Variants in ZNF782 observed in about 807,000 individuals in gnomAD.
The protein encoded by ZNF782 is zinc finger protein 782.
Under a neutral mutation model 13.0 loss-of-function variants are expected in ZNF782, and 12 were observed. The observed-to-expected ratio is 0.92, with a 90% CI of 0.59 to 1.50. The LOEUF is 1.50. Among genes scored for constraint, ZNF782 ranks in the 40% most tolerant of loss-of-function variants. ZNF782 has a pLI of 0.00. For missense variants in ZNF782, 770 were observed against 822.9 expected, an observed-to-expected ratio of 0.94 and a Z score of 0.79; for synonymous variants, 284 against 283.0, an observed-to-expected ratio of 1.00 and a Z score of -0.04.
At chr9:96,905,375 A>T in the ZNF782 span, among the ~76,000 whole-genome samples, 1 of 151,654 alleles carries the variant, frequency 6.6e-6, no homozygotes, top group African/African-American at 2.4e-5. Flanking sequence ...TACAAATGCC[A>T]TGGCAATGTC....
chr9:96,823,686 A>G (rs79490656), intron 5 of ZNF782, among the ~76,000 whole-genome samples: 1 of 152,212 alleles, frequency 6.6e-6, no homozygotes. Context: ...TGCCTTAGCA[A>G]TTCATAACCG....
At chr9:96,908,108 T>C in the ZNF782 span, among the ~76,000 whole-genome samples, 8 of 151,996 alleles carry the variant, frequency 5.3e-5, no homozygotes, top group Admixed American at 5.2e-4. Context: ...GGACATGTTA[T>C]ATTTCTCTGT....
At position 96,818,257 on chromosome 9, in the gene ZNF782, G is replaced by T. The variant is rs752354861; in HGVS notation, c.1766C>A (p.Pro589His). The change falls in exon 6 of 6, where the codon CCC becomes CAC. Residue 589 changes from proline to histidine, a missense_variant. Coordinates refer to ENST00000481138, the MANE Select transcript of ZNF782 (RefSeq NM_001001662.3). ...TTTTCCACACTCCTCACATTGATAG[G>T]GTTTCTCCCCAGTATGAGTTCTGTG... Reference protein sequence around the residue: ...VHHRTHTGEKPYQCEECGKTF... With the variant: ...VHHRTHTGEKHYQCEECGKTF... 1.9e-6 allele frequency: 3 copies of T among 1,613,614 alleles called. No individual in the cohort carries two copies. The highest frequency in any genetic ancestry group is 2.5e-6 in the Non-Finnish European group (3 of 1,179,958).
intron 4 of ZNF782, among the ~76,000 whole-genome samples, chr9:96,836,599 A>G (rs888077228): frequency 6.6e-6 from 1 of 152,154 alleles, no homozygotes; most frequent in African/African-American, 2.4e-5. Flanking sequence ...GGGATGGAAT[A>G]TTATATTTTG....
chr9:96,887,940 T>A, the ZNF782 span: 1 of 144,994 alleles, frequency 6.9e-6, no homozygotes, highest in African/African-American at 2.6e-5. Context: ...ACACCACATG[T>A]TCTCACTCAT....
upstream of ZNF782, among the ~76,000 whole-genome samples, chr9:96,875,910 A>G (rs914181679): frequency 1.3e-5 from 2 of 152,218 alleles, no homozygotes; most frequent in African/African-American, 4.8e-5. Context: ...CGTCATCCAG[A>G]AGACCCTTTC....
chr9:96,847,634 A>AT (rs1330663787), intron 3 of ZNF782, among the ~76,000 whole-genome samples: 2 of 152,224 alleles, frequency 1.3e-5, no homozygotes, highest in Non-Finnish European at 2.9e-5. Context: ...GAAACCCTGA[A>AT]TAGACTACAA....
intron 4 of ZNF782, among the ~76,000 whole-genome samples, chr9:96,834,119 G>A (rs143969562): frequency 7.2e-4 from 109 of 152,300 alleles, no homozygotes; most frequent in African/African-American, 2.2e-3. Context: ...ACATGGTTTG[G>A]CTGTGTCCCC....
rs145565807 is a variant in ZNF782, at chr9:96,829,573, TAAG to T, written c.143-2395_143-2393del. ...TTTATAGAAGTAGATTACAAGTAAA[TAAG>T]AAGAAGTACAGAAGAGTTGAAGAAT... On this transcript the variant is annotated intron_variant, in intron 4 of 5. Transcript: ENST00000481138. 6.0e-4 allele frequency among the ~76,000 whole-genome samples: 91 copies of T among 152,180 alleles called. 2 individuals carry two copies. Among genetic ancestry groups the T allele is most frequent in the South Asian group, 5.4e-3 (26 of 4,824 alleles).
At chr9:96,920,601 C>T in the ZNF782 span, among the ~76,000 whole-genome samples, 9 of 149,068 alleles carry the variant, frequency 6.0e-5, no homozygotes, top group East Asian at 6.2e-4. Context: ...CATCATTTAA[C>T]GGTCACTCAA....
At chr9:96,856,729 G>A (rs1554689619), upstream of ZNF782, among the ~76,000 whole-genome samples, 1 of 152,162 alleles carries the variant, frequency 6.6e-6, no homozygotes, top group Non-Finnish European at 1.5e-5. Context: ...TAATTCATGA[G>A]TAACCCTGCT....
At chr9:96,916,125 C>T in the ZNF782 span, among the ~76,000 whole-genome samples, 7 of 151,918 alleles carry the variant, frequency 4.6e-5, no homozygotes, top group Admixed American at 1.3e-4. Context: ...CTCTTCACTC[C>T]CTGAACAACC....
chr9:96,837,575 G>T (rs1173343855), intron 4 of ZNF782, among the ~76,000 whole-genome samples: 3 of 151,864 alleles, frequency 2.0e-5, no homozygotes, highest in African/African-American at 7.3e-5. Flanking sequence ...CTAGGTTTAG[G>T]TTTAGTTTGC....
the ZNF782 span, chr9:96,909,994 A>G: frequency 2.0e-6 from 1 of 504,174 alleles, no homozygotes; most frequent in Non-Finnish European, 3.8e-6. Flanking sequence ...TCCACCGCAG[A>G]CTCTGGCAGC....
intron 5 of ZNF782, among the ~76,000 whole-genome samples, chr9:96,825,577 G>A (rs958756462): frequency 5.3e-5 from 8 of 150,388 alleles, no homozygotes; most frequent in African/African-American, 1.9e-4. Flanking sequence ...AAACTAAAGA[G>A]CTTCTGCACA....
the ZNF782 span, among the ~76,000 whole-genome samples, chr9:96,920,985 G>A: frequency 4.3e-4 from 63 of 145,278 alleles, 3 homozygotes; most frequent in South Asian, 0.013. Context: ...CATCATTTCT[G>A]CAAAGCTTGC....
In ZNF782 at chr9:96,826,998, CATT is replaced by C; in HGVS notation, c.244+79_244+81del. The C allele has an allele frequency of 7.0e-6, 6 of 853,210 alleles. No individual in the cohort carries two copies. The South Asian group carries it at 1.3e-4, about 18-fold the overall frequency. 52.9% of individuals were successfully genotyped at this position (853,210 alleles called of 1,614,324 possible). On this transcript the variant is annotated intron_variant, in intron 5 of 5. Coordinates refer to ENST00000481138, the MANE Select transcript of ZNF782 (RefSeq NM_001001662.3). The stretch of plus-strand genomic sequence containing the variant: ...ATTTTTTCAGTGTATAAATTTTAAC[CATT>C]ATTATGACTATACGCTGAGTTGTGT...
chr9:96,911,148 GT>G, the ZNF782 span, among the ~76,000 whole-genome samples: 3 of 147,186 alleles, frequency 2.0e-5, no homozygotes, highest in East Asian at 6.3e-4. Context: ...AAAAAAACTT[GT>G]AAAAAAAGGG....
chr9:96,871,037 A>G (rs1233259172), intron 1 of ZNF782, among the ~76,000 whole-genome samples: 1 of 152,214 alleles, frequency 6.6e-6, no homozygotes, highest in African/African-American at 2.4e-5. Context: ...CTTGTGAACT[A>G]TAATGGTTCT....
Sources: gnomAD v4.1 joint callset for allele counts (sites outside exome capture counted in the v4.1 genomes callset) on GRCh38, gnomAD v4.1.1 for gene constraint, MANE v1.5 for transcripts, NCBI Gene and HGNC (gene_info 2026-07-23, HGNC 2026-07-21) for gene names.